Variants in CCDC73 observed in about 807,000 individuals in gnomAD.
CCDC73 encodes the protein coiled-coil domain-containing protein 73.
In CCDC73, 95 loss-of-function variants were observed where a neutral mutation model predicts 116.5. The ratio of observed to expected loss-of-function variants is 0.82; its 90% CI spans 0.69 to 0.97. The LOEUF is 0.97. CCDC73 is among the 50% of genes least tolerant of loss of function. CCDC73 has a pLI of 0.00. For missense variants in CCDC73, 1,066 were observed against 1,206.8 expected, an observed-to-expected ratio of 0.88 and a Z score of 1.73; for synonymous variants, 398 against 401.3, an observed-to-expected ratio of 0.99 and a Z score of 0.10.
At chr11:32,629,139 T>TG (rs1319359032) in intron 14 of CCDC73, among the ~76,000 whole-genome samples, 7 of 151,644 alleles carry the variant, frequency 4.6e-5, no homozygotes, top group Non-Finnish European at 1.5e-5. Flanking sequence ...AAAAAAAGAC[T>TG]GAAAAAATAT....
chr11:32,753,325 T>A (rs898534856), intron 2 of CCDC73, among the ~76,000 whole-genome samples: 1 of 149,204 alleles, frequency 6.7e-6, no homozygotes, highest in Non-Finnish European at 1.5e-5. Context: ...TGAGACAAGC[T>A]CTTGCCGTGT....
chr11:32,683,645 A>C, intron 6 of CCDC73, 71 bp from the exon 7 acceptor site: 1 of 892,222 alleles, frequency 1.1e-6, no homozygotes, highest in African/African-American at 1.7e-5. Context: ...TGATATCAAA[A>C]GTGCGTGCTA....
chr11:32,660,783 C>T (rs1855916203), intron 9 of CCDC73, among the ~76,000 whole-genome samples: 1 of 152,028 alleles, frequency 6.6e-6, no homozygotes, highest in African/African-American at 2.4e-5. Context: ...TGTGATATCG[C>T]ACCACTGCAC....
chr11:32,623,611 C>G (rs1855542679), intron 14 of CCDC73, among the ~76,000 whole-genome samples: 1 of 152,140 alleles, frequency 6.6e-6, no homozygotes, highest in South Asian at 2.1e-4. Flanking sequence ...GCCTTGGCCC[C>G]CAAAAGTGCT....
chr11:32,643,137 T>C (rs527476837), intron 12 of CCDC73, among the ~76,000 whole-genome samples: 1 of 152,096 alleles, frequency 6.6e-6, no homozygotes, highest in South Asian at 2.1e-4. Context: ...TCCATCTATT[T>C]AGAGAATTCT....
intron 1 of CCDC73, among the ~76,000 whole-genome samples, chr11:32,780,489 C>T (rs1039998239): frequency 2.4e-4 from 36 of 151,950 alleles, no homozygotes; most frequent in African/African-American, 8.2e-4. Flanking sequence ...GCTGACTCAA[C>T]TTCTAAGAAT....
the CCDC73 span, among the ~76,000 whole-genome samples, chr11:32,808,554 G>A: frequency 6.6e-6 from 1 of 151,964 alleles, no homozygotes; most frequent in Non-Finnish European, 1.5e-5. Context: ...CAGGAGAATC[G>A]CTCGAACCTG....
intron 14 of CCDC73, among the ~76,000 whole-genome samples, chr11:32,621,546 G>T (rs1393761111): frequency 6.6e-6 from 1 of 152,046 alleles, no homozygotes; most frequent in Non-Finnish European, 1.5e-5. Context: ...ATACTTAAGT[G>T]CAAAACCCAA....
At chr11:32,705,782 C>T (rs1849850643) in intron 3 of CCDC73, among the ~76,000 whole-genome samples, 1 of 152,168 alleles carries the variant, frequency 6.6e-6, no homozygotes, top group Non-Finnish European at 1.5e-5. Context: ...CCCACAGCTC[C>T]TCCTCTATTC....
intron 1 of CCDC73, among the ~76,000 whole-genome samples, chr11:32,791,125 T>G (rs2133407359): frequency 6.6e-6 from 1 of 152,350 alleles, no homozygotes; most frequent in South Asian, 2.1e-4. Flanking sequence ...TTTTTCTTGT[T>G]ACTAACAGAA....
At chr11:32,729,049 G>A (rs1447497074) in intron 2 of CCDC73, among the ~76,000 whole-genome samples, 1 of 150,942 alleles carries the variant, frequency 6.6e-6, no homozygotes, top group African/African-American at 2.4e-5. Context: ...GGGTACATGT[G>A]CAGGATGTGC....
intron 12 of CCDC73, among the ~76,000 whole-genome samples, chr11:32,642,863 G>A (rs1190515697): frequency 6.6e-6 from 1 of 151,318 alleles, no homozygotes; most frequent in Non-Finnish European, 1.5e-5. Flanking sequence ...CACACAAAAG[G>A]ATTTTTTTTT....
chr11:32,690,179 A>C (rs1021189538), intron 6 of CCDC73, among the ~76,000 whole-genome samples: 21 of 152,298 alleles, frequency 1.4e-4, no homozygotes, highest in African/African-American at 2.9e-4. Flanking sequence ...AATTGTTCCC[A>C]AAAAATATAT....
chr11:32,830,430 G>T, the CCDC73 span: 1 of 1,156,222 alleles, frequency 8.6e-7, no homozygotes, highest in Non-Finnish European at 1.2e-6. Context: ...ACAACAGGTT[G>T]GTGATTCAGT....
At chr11:32,823,758 T>A in the CCDC73 span, among the ~76,000 whole-genome samples, 29 of 152,084 alleles carry the variant, frequency 1.9e-4, no homozygotes, top group South Asian at 4.1e-4. Context: ...ATTTTTTTTT[T>A]AAACAGGATG....
chr11:32,702,644 C>T (rs1245241420), intron 4 of CCDC73, among the ~76,000 whole-genome samples: 1 of 152,304 alleles, frequency 6.6e-6, no homozygotes, highest in Middle Eastern at 3.4e-3. Flanking sequence ...ATATTTCCAT[C>T]TCCAAGAAAA....
rs1463746364 is a variant in CCDC73 at position 32,700,803 on chromosome 11, C to T, written c.303G>A (p.Leu101=). The T allele has an allele frequency of 1.4e-6, 2 of 1,433,840 alleles. No individual in the cohort carries two copies. Among genetic ancestry groups the T allele is most frequent in the African/African-American group, 1.4e-5 (1 of 69,266 alleles). 88.8% of individuals were successfully genotyped at this position (1,433,840 alleles called of 1,614,324 possible). The change falls in exon 5 of 18, where the codon CTG becomes CTA. Residue 101 remains leucine, a synonymous_variant. Transcript: ENST00000335185. ...AAATTATAAATACCTTTTCTTCTTC[C>T]AGGGCACACATCTTCATCTGCAACT... is the stretch of plus-strand genomic sequence containing the variant. ...KKQLQMKMCA[L]EEEKGKYQLA... is the part of the protein sequence containing the mutation.
intron 3 of CCDC73, among the ~76,000 whole-genome samples, chr11:32,712,566 A>G (rs193109039): frequency 0.014 from 270 of 18,926 alleles, 2 homozygotes; most frequent in Admixed American, 0.046. Context: ...TAAAATAAAG[A>G]TCTAAATAAA....
At chr11:32,742,343 C>T (rs924255178) in intron 2 of CCDC73, among the ~76,000 whole-genome samples, 5 of 152,186 alleles carry the variant, frequency 3.3e-5, no homozygotes, top group East Asian at 1.9e-4. Context: ...TTAATGATCA[C>T]CATTCTAACT....
Sources: allele counts gnomAD v4.1 joint callset (sites outside exome capture counted in the v4.1 genomes callset), GRCh38; gene constraint gnomAD v4.1.1; transcripts MANE v1.5; gene names NCBI Gene and HGNC (gene_info 2026-07-23, HGNC 2026-07-21).